Variants in NCKAP5 observed in about 807,000 individuals in gnomAD.
The protein encoded by NCKAP5 is nck-associated protein 5.
Under a neutral mutation model 167.0 loss-of-function variants are expected in NCKAP5, and 92 were observed. The observed-to-expected ratio is 0.55, with a 90% confidence interval of 0.47 to 0.66. The LOEUF is 0.66. Among genes scored for constraint, NCKAP5 ranks in the 30% least tolerant of loss-of-function variants. NCKAP5 has a pLI of 0.00. For missense variants in NCKAP5, 2,378 were observed against 2,315.0 expected, an observed-to-expected ratio of 1.03 and a Z score of -0.56; for synonymous variants, 891 against 877.4, an observed-to-expected ratio of 1.02 and a Z score of -0.27.
intron 4 of NCKAP5, among the ~76,000 whole-genome samples, chr2:133,265,508 T>C (rs1297541479): frequency 1.3e-5 from 2 of 152,068 alleles, no homozygotes; most frequent in Admixed American, 1.3e-4. Flanking sequence ...TTCCAGAAAA[T>C]ATCCTATTTC....
chr2:133,401,823 T>C (rs1688120229), intron 3 of NCKAP5, among the ~76,000 whole-genome samples: 1 of 152,220 alleles, frequency 6.6e-6, no homozygotes, highest in African/African-American at 2.4e-5. Context: ...TTAGCTTCCA[T>C]TGCCCATGGA....
intron 4 of NCKAP5, among the ~76,000 whole-genome samples, chr2:133,300,306 C>G (rs1371300205): frequency 1.5e-5 from 2 of 132,586 alleles, no homozygotes. Context: ...GATACCAAAG[C>G]CGGGCAGAGA....
intron 11 of NCKAP5, among the ~76,000 whole-genome samples, chr2:132,824,635 A>G (rs912279860): frequency 6.6e-6 from 1 of 152,156 alleles, no homozygotes; most frequent in Admixed American, 6.5e-5. Context: ...TCCTTTTGGG[A>G]GTATGTTCAT....
chr2:133,061,754 G>A (rs1200079205), intron 6 of NCKAP5, among the ~76,000 whole-genome samples: 1 of 152,038 alleles, frequency 6.6e-6, no homozygotes, highest in Non-Finnish European at 1.5e-5. Context: ...AGAGAGACAG[G>A]TCATAATCAA....
intron 3 of NCKAP5, among the ~76,000 whole-genome samples, chr2:133,437,120 G>A (rs866741055): frequency 3.9e-5 from 6 of 152,228 alleles, no homozygotes; most frequent in Middle Eastern, 3.4e-3. Flanking sequence ...TTGGGACGTC[G>A]AGGCGGGCGG....
chr2:133,270,878 C>T (rs2089476180), intron 4 of NCKAP5, among the ~76,000 whole-genome samples: 1 of 151,736 alleles, frequency 6.6e-6, no homozygotes, highest in African/African-American at 2.4e-5. Flanking sequence ...CGCTCCCACC[C>T]TGCGGAGTGT....
Position 132,783,588 on chromosome 2 carries a change from G to A in NCKAP5, c.3223C>T (p.Pro1075Ser), listed in dbSNP as rs754017019. ...CTTTTGGAGGACGTCATTTCCAGTG[G>A]CTCATGGGTTGAAGGAGAGATCCTG... is the stretch of plus-strand genomic sequence containing the variant. ...TPRISPSTHE[P>S]LEMTSSKSVS... The change falls in exon 14 of 20, where the codon CCA becomes TCA. Residue 1075 changes from proline (P) to serine (S), a missense_variant. Coordinates refer to ENST00000409261, the MANE Select transcript of NCKAP5 (RefSeq NM_207363.3). The A allele has an allele frequency of 5.6e-6, 9 of 1,613,808 alleles. No homozygotes were observed. The highest frequency in any genetic ancestry group is 1.3e-5 in the African/African-American group (1 of 74,888).
chr2:133,436,401 T>C (rs1044686801), intron 3 of NCKAP5, among the ~76,000 whole-genome samples: 3 of 152,242 alleles, frequency 2.0e-5, no homozygotes, highest in African/African-American at 7.2e-5. Context: ...TTCCTGGCTC[T>C]AGTTTTTTTG....
chr2:132,858,010 A>G (rs1304918039), intron 11 of NCKAP5, among the ~76,000 whole-genome samples: 1 of 152,194 alleles, frequency 6.6e-6, no homozygotes, highest in African/African-American at 2.4e-5. Context: ...TGTCTACCTA[A>G]ATCACAATGT....
rs769262807 is a variant in NCKAP5, at chr2:132,782,098, G to C, written c.4713C>G (p.Asp1571Glu). 6.2e-7 allele frequency: 1 copy of C among 1,614,030 alleles called. No homozygotes were observed. Among genetic ancestry groups the C allele is most frequent in the Non-Finnish European group, 8.5e-7 (1 of 1,179,894 alleles). Residue 1571 changes from aspartate (D) to glutamate (E), a missense_variant, in exon 14 of 20, where the codon GAC (aspartate) becomes GAG (glutamate). Coordinates refer to ENST00000409261, the MANE Select transcript of NCKAP5 (RefSeq NM_207363.3). ...QCETENELIK[D>E]TKSADNPDGG... The stretch of plus-strand genomic sequence containing the variant: ...CATCTGGATTATCTGCTGACTTGGT[G>C]TCCTTGATAAGCTCATTTTCTGTCT...
intron 4 of NCKAP5, among the ~76,000 whole-genome samples, chr2:133,269,637 G>A (rs2089418488): frequency 6.6e-6 from 1 of 152,158 alleles, no homozygotes; most frequent in Admixed American, 6.5e-5. Flanking sequence ...ATCACTGGGT[G>A]GGGCCAATTA....
intron 6 of NCKAP5, among the ~76,000 whole-genome samples, chr2:133,103,764 A>T (rs1284723931): frequency 6.6e-6 from 1 of 152,196 alleles, no homozygotes; most frequent in Non-Finnish European, 1.5e-5. Flanking sequence ...TTGGCATCAG[A>T]GAGAGGTGCT....
chr2:133,178,476 G>C (rs144098378), intron 5 of NCKAP5, among the ~76,000 whole-genome samples: 12,661 of 121,098 alleles, frequency 0.1, 686 homozygotes, highest in South Asian at 0.12. Flanking sequence ...CTGCACTCCA[G>C]CCTGGGTGAC....
chr2:132,867,671 G>T (rs1287496185), intron 10 of NCKAP5, among the ~76,000 whole-genome samples: 2 of 152,200 alleles, frequency 1.3e-5, no homozygotes, highest in African/African-American at 4.8e-5. Context: ...TTTGGACCAT[G>T]AAGTGACCTT....
At chr2:133,430,420 T>C (rs1257162616) in intron 3 of NCKAP5, among the ~76,000 whole-genome samples, 1 of 152,162 alleles carries the variant, frequency 6.6e-6, no homozygotes, top group African/African-American at 2.4e-5. Context: ...CTTTTGTTTT[T>C]GGAGTCTTCA....
intron 3 of NCKAP5, among the ~76,000 whole-genome samples, chr2:133,449,587 G>A (rs1691418251): frequency 6.6e-6 from 1 of 152,072 alleles, no homozygotes; most frequent in South Asian, 2.1e-4. Context: ...GAAATATAGA[G>A]GTTTACCCTA....
At chr2:133,581,789 G>A in the NCKAP5 span, among the ~76,000 whole-genome samples, 2 of 152,190 alleles carry the variant, frequency 1.3e-5, no homozygotes, top group Non-Finnish European at 2.9e-5. Context: ...AAATGGAGCT[G>A]AAAGTTCACT....
chr2:133,177,570 C>A (rs577309487), intron 5 of NCKAP5, among the ~76,000 whole-genome samples: 4 of 152,270 alleles, frequency 2.6e-5, no homozygotes, highest in African/African-American at 9.6e-5. Context: ...AGCTCTCACC[C>A]CAACTGTTTG....
intron 3 of NCKAP5, among the ~76,000 whole-genome samples, chr2:133,508,268 G>A (rs1339528339): frequency 6.6e-6 from 1 of 152,118 alleles, no homozygotes; most frequent in Non-Finnish European, 1.5e-5. Flanking sequence ...GGGAACTCAA[G>A]GACACCATAG....
Sources: allele counts gnomAD v4.1 joint callset (sites outside exome capture counted in the v4.1 genomes callset), GRCh38; gene constraint gnomAD v4.1.1; transcripts MANE v1.5; gene names NCBI Gene and HGNC (gene_info 2026-07-23, HGNC 2026-07-21).